ZNF423: variants seen among roughly 807,000 people sequenced by gnomAD.
ZNF423 encodes zinc finger protein 423.
In ZNF423, 12 loss-of-function variants were observed where a neutral mutation model predicts 95.8. The observed-to-expected ratio is 0.13, with a 90% CI of 0.08 to 0.20. The LOEUF (loss-of-function observed/expected upper bound fraction) is 0.20. ZNF423 is among the 10% of genes least tolerant of loss of function. The pLI, the probability that ZNF423 is intolerant of heterozygous loss-of-function variation, is 1.00. For synonymous variants in ZNF423, 749 were observed against 711.9 expected (o/e 1.05, Z -0.83); for missense variants, 1,316 against 1,737.1 (o/e 0.76, Z 4.31).
At chr16:49,752,481 C>G (rs942050722) in intron 2 of ZNF423, among the ~76,000 whole-genome samples, 1 of 152,194 alleles carries the variant, frequency 6.6e-6, no homozygotes, top group Non-Finnish European at 1.5e-5. Flanking sequence ...AGAACTCTAG[C>G]CCTGGATATC....
chr16:49,748,716 G>C (rs1481318159), intron 2 of ZNF423, among the ~76,000 whole-genome samples: 2 of 152,166 alleles, frequency 1.3e-5, no homozygotes, highest in African/African-American at 4.8e-5. Context: ...TTCCGTGCAG[G>C]GATGGGAGGA....
intron 5 of ZNF423, among the ~76,000 whole-genome samples, chr16:49,573,799 C>T (rs1054675408): frequency 6.6e-6 from 1 of 152,234 alleles, no homozygotes; most frequent in African/African-American, 2.4e-5. Flanking sequence ...AGAGACCCAG[C>T]TGATTACCAA....
intron 3 of ZNF423, among the ~76,000 whole-genome samples, chr16:49,676,133 G>C (rs11076494): frequency 0.79 from 120,697 of 152,258 alleles, 48,140 homozygotes; most frequent in South Asian, 0.87. Flanking sequence ...TGAATCCACT[G>C]ATCAATGATA....
At chr16:49,644,666 A>C (rs981029882) in intron 3 of ZNF423, among the ~76,000 whole-genome samples, 17 of 87,460 alleles carry the variant, frequency 1.9e-4, no homozygotes, top group Non-Finnish European at 4.2e-4. Context: ...CTCAAAAAAA[A>C]AAAAAAAAAA....
chr16:49,623,095 C>T (rs1180565453), intron 5 of ZNF423, among the ~76,000 whole-genome samples: 1 of 152,080 alleles, frequency 6.6e-6, no homozygotes, highest in Non-Finnish European at 1.5e-5. Context: ...GCCCAGCCAC[C>T]GGAGGTCTGG....
At position 49,806,987 on chromosome 16, in the gene ZNF423, A is replaced by G. The variant is rs1365307745; in HGVS notation, c.41-17441T>C. ...GGTTGCAGCGAGCCGAGATCGTGCC[A>G]TTGCACTCCAGCCTGGAGGACAGAG... On this transcript the variant is annotated intron_variant, in intron 1 of 7. Transcript: ENST00000563137. 2.7e-5 allele frequency among the ~76,000 whole-genome samples: 4 copies of G among 149,630 alleles called. No homozygotes were observed. The Admixed American group carries it at 2.7e-4, about 10-fold the overall frequency.
intron 1 of ZNF423, among the ~76,000 whole-genome samples, chr16:49,815,894 ATATATATATATATATATATAT>A (rs1567356273): frequency 1.3e-4 from 8 of 62,030 alleles, no homozygotes; most frequent in South Asian, 1.4e-3. Context: ...ATATATATAT[ATATATATATATATATATATAT>A]TTTTTTTTTT....
intron 3 of ZNF423, among the ~76,000 whole-genome samples, chr16:49,707,836 A>G (rs2032405335): frequency 6.6e-6 from 1 of 152,028 alleles, no homozygotes; most frequent in African/African-American, 2.4e-5. Context: ...TTTTTGAGAC[A>G]GAGTTTAGCT....
chr16:49,641,682 A>G lies in ZNF423; in HGVS notation c.302-2808T>C, dbSNP rs188924223. 1.7e-4 allele frequency among the ~76,000 whole-genome samples: 26 copies of G among 152,302 alleles called. No homozygotes were observed. The East Asian group carries it at 4.8e-3, about 28-fold the overall frequency. On this transcript the variant is annotated intron_variant, in intron 3 of 7. Coordinates refer to ENST00000563137, the MANE Select transcript of ZNF423 (RefSeq NM_001379286.1). Reference sequence around the variant, plus strand: ...CTATGAATTCATCCATGCCCTGAACATTCCTCTTAACCACTCACTTTACGC... The same window carrying G: ...CTATGAATTCATCCATGCCCTGAACGTTCCTCTTAACCACTCACTTTACGC...
intron 5 of ZNF423, among the ~76,000 whole-genome samples, chr16:49,529,832 G>A (rs1394498375): frequency 1.3e-5 from 2 of 152,116 alleles, no homozygotes; most frequent in East Asian, 1.9e-4. Flanking sequence ...TTGTTCTCGG[G>A]CTCTGGTGCA....
chr16:49,519,814 A>G (rs1244338622), intron 7 of ZNF423, among the ~76,000 whole-genome samples: 1 of 152,164 alleles, frequency 6.6e-6, no homozygotes, highest in Non-Finnish European at 1.5e-5. Flanking sequence ...ACTGTCCTGA[A>G]AACCTTGCCA....
chr16:49,687,500 T>C (rs1596856673), intron 3 of ZNF423, among the ~76,000 whole-genome samples: 1 of 152,154 alleles, frequency 6.6e-6, no homozygotes, highest in Non-Finnish European at 1.5e-5. Context: ...AGATGCATTA[T>C]GTAAGACCTG....
At chr16:49,712,819 G>A (rs1023075197) in intron 3 of ZNF423, among the ~76,000 whole-genome samples, 6 of 152,200 alleles carry the variant, frequency 3.9e-5, no homozygotes, top group Non-Finnish European at 5.9e-5. Context: ...GAGGCTCCGC[G>A]GATGCATCCT....
intron 5 of ZNF423, among the ~76,000 whole-genome samples, chr16:49,593,835 G>A (rs765930795): frequency 6.6e-6 from 1 of 152,144 alleles, no homozygotes; most frequent in Non-Finnish European, 1.5e-5. Context: ...AGAGGGGGCC[G>A]CGGAGGCAAC....
chr16:49,742,893 T>A (rs568597154), intron 2 of ZNF423, among the ~76,000 whole-genome samples: 1 of 152,038 alleles, frequency 6.6e-6, no homozygotes, highest in Admixed American at 6.5e-5. Flanking sequence ...GGAGTTTGGC[T>A]CAGAGCCAAG....
chr16:49,487,656 G>A lies in ZNF423; in HGVS notation c.*3619C>T, dbSNP rs576444171. On this transcript the variant is annotated 3_prime_UTR_variant, in exon 8 of 8. Coordinates refer to ENST00000563137, the MANE Select transcript of ZNF423 (RefSeq NM_001379286.1). ...TTATAGTCGCAAGTCTATCCTGAAT[G>A]GTATGATCTTGGACAAGATTCTGAA... is the stretch of plus-strand genomic sequence containing the variant. The A allele has an allele frequency of 6.6e-6, 1 of 152,302 alleles. No individual in the cohort carries two copies. The highest frequency in any genetic ancestry group is 1.9e-4 in the East Asian group (1 of 5,174). 9.4% of individuals were successfully genotyped at this position (152,302 alleles called of 1,614,324 possible). A position where few individuals can be genotyped will look rare whatever the true frequency, so the allele number is the denominator to read the frequency against.
chr16:49,600,123 C>A (rs1406591641), intron 5 of ZNF423, among the ~76,000 whole-genome samples: 2 of 152,000 alleles, frequency 1.3e-5, no homozygotes, highest in Non-Finnish European at 2.9e-5. Context: ...ACCAGCCTGG[C>A]CAACATGGTG....
chr16:49,552,391 G>A (rs1969673163), intron 5 of ZNF423, among the ~76,000 whole-genome samples: 1 of 152,184 alleles, frequency 6.6e-6, no homozygotes, highest in Non-Finnish European at 1.5e-5. Flanking sequence ...CAAATAGGGG[G>A]TGGGCCAGGA....
rs193038605 is a variant in ZNF423, at chr16:49,517,195, G to C, written c.3849+6429C>G. ...TGCCAAAAACCCAACATTGCTTCCT[G>C]CTCTTAGCATCCAAAATCCACTCAT... On this transcript the variant is annotated intron_variant, in intron 7 of 7. Transcript: ENST00000563137. Among the ~76,000 whole-genome samples the C allele has an allele frequency of 2.6e-5, 4 of 152,312 alleles. No individual in the cohort carries two copies. In the East Asian group the frequency reaches 5.8e-4, roughly 22 times the overall value.
Sources: gnomAD v4.1 joint callset for allele counts (sites outside exome capture counted in the v4.1 genomes callset) on GRCh38, gnomAD v4.1.1 for gene constraint, MANE v1.5 for transcripts, NCBI Gene and HGNC (gene_info 2026-07-23, HGNC 2026-07-21) for gene names.